NAV3: variants seen among roughly 807,000 people sequenced by gnomAD.
NAV3 encodes the protein neuron navigator 3.
Under a neutral mutation model 244.7 loss-of-function variants are expected in NAV3, and 87 were observed. That is an observed-to-expected ratio of 0.36 (90% CI 0.30 to 0.42). The LOEUF is 0.42. NAV3 is among the 20% of genes least tolerant of loss of function. NAV3 has a pLI of 1.00. For missense variants in NAV3, 2,663 were observed against 2,893.3 expected (o/e 0.92, Z 1.83); for synonymous variants, 1,126 against 1,042.2 (o/e 1.08, Z -1.55).
intron 9 of NAV3, among the ~76,000 whole-genome samples, chr12:78,043,704 T>C (rs541377233): frequency 1.2e-4 from 18 of 152,350 alleles, no homozygotes; most frequent in African/African-American, 4.3e-4. Context: ...CTTTCTTTCA[T>C]ATGTTTGTTG....
intron 2 of NAV3, among the ~76,000 whole-genome samples, chr12:77,825,358 T>C (rs1872933467): frequency 6.6e-6 from 1 of 152,050 alleles, no homozygotes; most frequent in South Asian, 2.1e-4. Flanking sequence ...GAATTGATAA[T>C]AGAACAAAAT....
In NAV3 at chr12:77,695,829, C is replaced by T. The variant is rs560506705; in HGVS notation, c.72+123563C>T. Among the ~76,000 whole-genome samples, 571 of 152,112 alleles carry T rather than the reference C, an allele frequency of 3.8e-3. 3 individuals carry two copies. Among genetic ancestry groups the T allele is most frequent in the African/African-American group, 0.011 (477 of 41,482 alleles). Reference sequence around the variant, plus strand: ...TTAAAGGGAGAACTTTTAAAAAATCCTACCCTCAGTGCCTCAAATAAAGAA... The same window carrying T: ...TTAAAGGGAGAACTTTTAAAAAATCTTACCCTCAGTGCCTCAAATAAAGAA... On this transcript the variant is annotated intron_variant, in intron 2 of 8. Transcript: ENST00000550042.
In NAV3 at chr12:78,016,082, C is replaced by T. The variant is rs566632073; in HGVS notation, c.1908-5665C>T. ...CTTTGAGAATTTTCTTTCTTTATGGCTCAAGGTGTTCTAGGCTCATCTTGC... is the reference window on the plus strand; with the variant it reads ...CTTTGAGAATTTTCTTTCTTTATGGTTCAAGGTGTTCTAGGCTCATCTTGC... On this transcript the variant is annotated intron_variant, in intron 8 of 39. Transcript: ENST00000397909. Among the ~76,000 whole-genome samples, 20 of 152,180 alleles carry T rather than the reference C, an allele frequency of 1.3e-4. No individual in the cohort carries two copies. The South Asian group carries it at 2.7e-3, about 20-fold the overall frequency.
At chr12:78,131,453 A>T (rs1956162229) in intron 18 of NAV3, among the ~76,000 whole-genome samples, 3 of 152,228 alleles carry the variant, frequency 2.0e-5, no homozygotes, top group African/African-American at 7.2e-5. Context: ...CAAAAAATGA[A>T]TTTAAAATGT....
In NAV3 at chr12:78,175,308, C is replaced by G. The variant is rs2139647016; in HGVS notation, c.4984C>G (p.Leu1662Val). The G allele has an allele frequency of 6.2e-7, 1 of 1,610,466 alleles. No homozygotes were observed. Among genetic ancestry groups the G allele is most frequent in the Non-Finnish European group, 8.5e-7 (1 of 1,177,640 alleles). ...TGATACTCTCCCTCTATTGCTAGAT[C>G]TTCGCATCAGAAGACAGCATTCCTC... ...LNGPDHPPKDLRIRRQHSSES... is the reference protein window; with the variant it reads ...LNGPDHPPKDVRIRRQHSSES... The change falls in exon 25 of 40, where the codon CTT becomes GTT. Residue 1662 changes from leucine (L) to valine (V), a missense_variant and splice_region_variant. Leu to Val is a conservative substitution (Grantham distance 32). Coordinates refer to ENST00000397909, the MANE Select transcript of NAV3 (RefSeq NM_001024383.2).
chr12:77,914,956 C>T (rs577341995), intron 1 of NAV3, among the ~76,000 whole-genome samples: 1 of 151,796 alleles, frequency 6.6e-6, no homozygotes, highest in East Asian at 1.9e-4. Flanking sequence ...AAGCCAAATG[C>T]AGCTCCATTA....
intron 2 of NAV3, among the ~76,000 whole-genome samples, chr12:77,675,954 G>C (rs1874185619): frequency 6.6e-6 from 1 of 152,100 alleles, no homozygotes; most frequent in African/African-American, 2.4e-5. Flanking sequence ...TTGACCTCTG[G>C]ATTTCTGCTC....
At chr12:77,873,773 T>TATATATATATATATA (rs762527287) in intron 1 of NAV3, among the ~76,000 whole-genome samples, 12 of 128,624 alleles carry the variant, frequency 9.3e-5, no homozygotes, top group Non-Finnish European at 9.8e-5. Context: ...TATATGTATA[T>TATATATATATATATA]AACAGCATAT....
rs143055611 is a variant in NAV3 at position 78,046,684 on chromosome 12, G to T, written c.2024-3309G>T. Among the ~76,000 whole-genome samples, 717 of 152,286 alleles carry T rather than the reference G, an allele frequency of 4.7e-3. 8 individuals carry two copies. Among genetic ancestry groups the T allele is most frequent in the African/African-American group, 0.017 (686 of 41,560 alleles). On this transcript the variant is annotated intron_variant, in intron 9 of 39. Coordinates refer to ENST00000397909, the MANE Select transcript of NAV3 (RefSeq NM_001024383.2). ...TCAGTTTTAGAATAAGTGTGATGTG[G>T]TTCTGAGAAGAATGTATATTCTGTT...
chr12:77,653,599 A>G (rs1048966504), intron 2 of NAV3, among the ~76,000 whole-genome samples: 1 of 152,222 alleles, frequency 6.6e-6, no homozygotes, highest in African/African-American at 2.4e-5. Flanking sequence ...ATAGCCATAT[A>G]ACACTATTGA....
intron 1 of NAV3, among the ~76,000 whole-genome samples, chr12:77,852,630 C>T (rs566784618): frequency 4.9e-4 from 75 of 151,908 alleles, no homozygotes; most frequent in African/African-American, 1.5e-3. Flanking sequence ...TTTGTGAAAA[C>T]GGCCTAGTAA....
At chr12:78,066,074 A>G (rs1430369827) in intron 12 of NAV3, among the ~76,000 whole-genome samples, 5 of 152,108 alleles carry the variant, frequency 3.3e-5, no homozygotes, top group East Asian at 1.9e-4. Flanking sequence ...CATGAATGCT[A>G]TTAGTGTCCT....
intron 1 of NAV3, among the ~76,000 whole-genome samples, chr12:77,873,744 G>GTA (rs556787799): frequency 0.11 from 7,958 of 73,096 alleles, 473 homozygotes; most frequent in Non-Finnish European, 0.14. Context: ...ATGTGTGTGT[G>GTA]TATATATATA....
chr12:77,797,767 A>C (rs1871497868), intron 2 of NAV3, among the ~76,000 whole-genome samples: 1 of 151,440 alleles, frequency 6.6e-6, no homozygotes, highest in Admixed American at 6.6e-5. Context: ...CTTGAACGTG[A>C]GGCAGAGGTT....
At chr12:77,997,925 G>A (rs974516896) in intron 6 of NAV3, among the ~76,000 whole-genome samples, 1 of 152,130 alleles carries the variant, frequency 6.6e-6, no homozygotes, top group Non-Finnish European at 1.5e-5. Flanking sequence ...AAAAACAAAT[G>A]CCTTACACAT....
intron 2 of NAV3, among the ~76,000 whole-genome samples, chr12:77,618,400 A>T (rs951791025): frequency 2.0e-5 from 3 of 152,210 alleles, no homozygotes; most frequent in Non-Finnish European, 4.4e-5. Context: ...ACACAAGCAA[A>T]ATATTAATTA....
intron 12 of NAV3, among the ~76,000 whole-genome samples, chr12:78,074,298 A>G (rs979656497): frequency 2.0e-5 from 3 of 152,262 alleles, no homozygotes; most frequent in Non-Finnish European, 4.4e-5. Flanking sequence ...ATCGCAGATT[A>G]TAAGATTGAC....
chr12:78,123,907 G>A (rs1313957147), intron 16 of NAV3, among the ~76,000 whole-genome samples: 1 of 152,100 alleles, frequency 6.6e-6, no homozygotes, highest in Non-Finnish European at 1.5e-5. Flanking sequence ...TAAGGTAAAT[G>A]GGCATCTTCA....
rs745618806 is a variant in NAV3 at position 78,176,467 on chromosome 12, T to G, written c.5124+8T>G. 6.2e-7 allele frequency: 1 copy of G among 1,612,476 alleles called. No homozygotes were observed. The highest frequency in any genetic ancestry group is 8.5e-7 in the Non-Finnish European group (1 of 1,179,180). On this transcript the variant is annotated splice_region_variant and intron_variant, in intron 26 of 39. Coordinates refer to ENST00000397909, the MANE Select transcript of NAV3 (RefSeq NM_001024383.2). ...AACTCTAGAGGAAGTGAGGTGAATA[T>G]AAACCGTGGACAATTTGGCATGCAT...
Sources: gnomAD v4.1 joint callset for allele counts (sites outside exome capture counted in the v4.1 genomes callset) on GRCh38, gnomAD v4.1.1 for gene constraint, MANE v1.5 for transcripts, NCBI Gene and HGNC (gene_info 2026-07-23, HGNC 2026-07-21) for gene names.